TJP1: variants seen among roughly 807,000 people sequenced by gnomAD.
The protein encoded by TJP1 is tight junction protein 1.
A neutral mutation model predicts 194.2 loss-of-function variants in TJP1; 43 were observed. The ratio of observed to expected loss-of-function variants is 0.22; its 90% CI spans 0.17 to 0.29. The LOEUF (loss-of-function observed/expected upper bound fraction) is 0.29, where lower values mean the gene tolerates loss of function less well. Ranked by LOEUF, TJP1 falls within the 10% of genes least tolerant of loss-of-function variation. TJP1 has a pLI of 1.00. For synonymous variants in TJP1, 801 were observed against 779.0 expected, an observed-to-expected ratio of 1.03 and a Z score of -0.47; for missense variants, 1,971 against 2,185.7, an observed-to-expected ratio of 0.90 and a Z score of 1.96.
chr15:29,843,399 G>A (rs2051299518), intron 2 of TJP1, among the ~76,000 whole-genome samples: 1 of 152,050 alleles, frequency 6.6e-6, no homozygotes, highest in Non-Finnish European at 1.5e-5. Flanking sequence ...ATGTTGGTCA[G>A]GCTGGTCTCG....
intron 2 of TJP1, among the ~76,000 whole-genome samples, chr15:29,907,152 G>A (rs1176891076): frequency 1.3e-5 from 2 of 152,024 alleles, no homozygotes; most frequent in Non-Finnish European, 2.9e-5. Flanking sequence ...GCTCATGCCT[G>A]TAATCCCAGC....
chr15:29,730,373 G>T (rs2043545806), intron 15 of TJP1, among the ~76,000 whole-genome samples: 1 of 151,960 alleles, frequency 6.6e-6, no homozygotes, highest in Non-Finnish European at 1.5e-5. Context: ...TTGAGCCCAG[G>T]AGCTCAGGTT....
chr15:29,957,301 A>G (rs1258862884), intron 1 of TJP1, among the ~76,000 whole-genome samples: 1 of 152,238 alleles, frequency 6.6e-6, no homozygotes, highest in East Asian at 1.9e-4. Flanking sequence ...AGTTTAGAAT[A>G]AAAGTAATAC....
intron 2 of TJP1, among the ~76,000 whole-genome samples, chr15:29,909,210 C>T (rs1331030224): frequency 1.3e-5 from 2 of 149,818 alleles, no homozygotes; most frequent in African/African-American, 4.9e-5. Context: ...TGGTGGTGCA[C>T]ACTTGTAGTC....
At chr15:29,944,796 T>C (rs971313956) in intron 2 of TJP1, among the ~76,000 whole-genome samples, 8 of 152,236 alleles carry the variant, frequency 5.3e-5, no homozygotes, top group Non-Finnish European at 1.0e-4. Context: ...TTTTATAAAG[T>C]CCAATAACCT....
rs1193561825 is a variant in TJP1 at position 29,742,761 on chromosome 15, T to A, written c.1031A>T (p.Glu344Val). The change falls in exon 9 of 28, where the codon GAG becomes GTG. Residue 344 changes from glutamate (E) to valine (V), a missense_variant. Around this residue, in one of 5 missense-constraint regions of TJP1, gnomAD observed 192 missense variants for 182.3 expected, o/e 1.05. Transcript: ENST00000614355. The part of the protein sequence containing the change: ...SNGSLRSRDE[E>V]RISKPGAVST... ...GACAGCCCCAGGTTTAGAAATTCTC[T>A]CTTCATCTCTACTCCGGAGACTGTG... is the stretch of plus-strand genomic sequence containing the variant. The A allele has an allele frequency of 6.2e-7, 1 of 1,603,436 alleles. No homozygotes were observed. The highest frequency in any genetic ancestry group is 1.3e-5 in the African/African-American group (1 of 74,280).
chr15:29,771,018 T>C (rs904434372), intron 4 of TJP1, among the ~76,000 whole-genome samples: 10 of 152,186 alleles, frequency 6.6e-5, no homozygotes, highest in Admixed American at 4.6e-4. Flanking sequence ...CTTCCAGTCC[T>C]GCAAGCTCCA....
At position 29,706,548 on chromosome 15, in the gene TJP1, G is replaced by A. The variant is rs143367301; in HGVS notation, c.4851-803C>T. Among the ~76,000 whole-genome samples the A allele has an allele frequency of 1.7e-4, 26 of 152,276 alleles. No individual in the cohort carries two copies. The East Asian group carries it at 4.3e-3, about 25-fold the overall frequency. On this transcript the variant is annotated intron_variant, in intron 25 of 27. Coordinates refer to ENST00000614355, the MANE Select transcript of TJP1 (RefSeq NM_001330239.4). Reference sequence around the variant, plus strand: ...TATGAGACACTTCAGAACCCAAGAAGTTTGGACAAGGGATACTAAACAGGT... The same window carrying A: ...TATGAGACACTTCAGAACCCAAGAAATTTGGACAAGGGATACTAAACAGGT...
intron 2 of TJP1, among the ~76,000 whole-genome samples, chr15:29,780,676 G>C (rs2047313719): frequency 6.6e-6 from 1 of 152,082 alleles, no homozygotes; most frequent in Admixed American, 6.6e-5. Flanking sequence ...GCTTAAAAGA[G>C]GGAGAGGATT....
intron 2 of TJP1, among the ~76,000 whole-genome samples, chr15:29,859,488 T>C (rs1167114075): frequency 2.0e-5 from 3 of 152,304 alleles, no homozygotes; most frequent in Middle Eastern, 3.4e-3. Context: ...GCAACAAGGA[T>C]GGGACTTCCC....
chr15:29,771,570 C>A (rs1257151807), intron 4 of TJP1, among the ~76,000 whole-genome samples: 2 of 151,988 alleles, frequency 1.3e-5, no homozygotes, highest in African/African-American at 2.4e-5. Context: ...CTTTGGGAGG[C>A]CGAGGCAGGC....
intron 2 of TJP1, among the ~76,000 whole-genome samples, chr15:29,845,096 A>G (rs552097254): frequency 6.6e-6 from 1 of 152,330 alleles, no homozygotes; most frequent in South Asian, 2.1e-4. Flanking sequence ...AATGACCAAA[A>G]TGGATACTCC....
chr15:29,872,702 C>G (rs2052568412), intron 2 of TJP1, among the ~76,000 whole-genome samples: 1 of 152,176 alleles, frequency 6.6e-6, no homozygotes, highest in South Asian at 2.1e-4. Flanking sequence ...CATTCAAACC[C>G]TGCATTAGGC....
At chr15:29,877,544 CTCTTT>C (rs1205903838) in intron 2 of TJP1, among the ~76,000 whole-genome samples, 3 of 152,102 alleles carry the variant, frequency 2.0e-5, no homozygotes, top group Admixed American at 6.5e-5. Flanking sequence ...TTCTTCTCTT[CTCTTT>C]TCTTTCTTTC....
At chr15:29,853,414 A>G (rs1484232712) in intron 2 of TJP1, among the ~76,000 whole-genome samples, 1 of 152,238 alleles carries the variant, frequency 6.6e-6, no homozygotes, top group Non-Finnish European at 1.5e-5. Context: ...AAAACTGGGG[A>G]CATCTGAATA....
chr15:29,778,654 G>C (rs552669893), intron 2 of TJP1, among the ~76,000 whole-genome samples: 1 of 152,228 alleles, frequency 6.6e-6, no homozygotes, highest in African/African-American at 2.4e-5. Flanking sequence ...CAGCACCCCA[G>C]TCTTTGCTCT....
intron 2 of TJP1, among the ~76,000 whole-genome samples, chr15:29,926,022 A>G (rs2054513489): frequency 6.6e-6 from 1 of 152,144 alleles, no homozygotes; most frequent in African/African-American, 2.4e-5. Flanking sequence ...GGAGGGAGGG[A>G]GCCGCCAGCT....
chr15:29,735,604 A>G (rs2043976891), intron 11 of TJP1, among the ~76,000 whole-genome samples: 1 of 149,620 alleles, frequency 6.7e-6, no homozygotes, highest in Non-Finnish European at 1.5e-5. Context: ...AAAAAAAAAA[A>G]AAGAAAGAAA....
chr15:29,768,855 C>A (rs574059968), intron 4 of TJP1, among the ~76,000 whole-genome samples: 1 of 152,096 alleles, frequency 6.6e-6, no homozygotes, highest in Admixed American at 6.6e-5. Flanking sequence ...ATGCCTACTT[C>A]AAAATAGTTT....
Sources: allele counts gnomAD v4.1 joint callset (sites outside exome capture counted in the v4.1 genomes callset), GRCh38; gene constraint gnomAD v4.1.1; regional missense constraint gnomAD v4.1.1; transcripts MANE v1.5; gene names NCBI Gene and HGNC (gene_info 2026-07-23, HGNC 2026-07-21).